Variants in IL1RAPL1 observed in about 807,000 individuals in gnomAD.
IL1RAPL1 encodes interleukin 1 receptor accessory protein like 1.
In IL1RAPL1, 3 loss-of-function variants were observed where a neutral mutation model predicts 48.4. The observed-to-expected ratio is 0.06, with a 90% CI of 0.03 to 0.16. The LOEUF is 0.16. IL1RAPL1 is among the 10% of genes least tolerant of loss of function. IL1RAPL1 has a pLI of 1.00. For missense variants in IL1RAPL1, 349 were observed against 530.6 expected (o/e 0.66, Z 3.36); for synonymous variants, 185 against 187.7 (o/e 0.99, Z 0.12).
At position 29,019,418 on chromosome X, in the gene IL1RAPL1, T is replaced by A. The variant is rs185828347; in HGVS notation, c.82+229993T>A. ...CAAATTTTATGGTGTGTGAGTTATA[T>A]CTCAAGAAAACTGTTATTAAAAAAA... On this transcript the variant is annotated intron_variant, in intron 2 of 10. Coordinates refer to ENST00000378993, the MANE Select transcript of IL1RAPL1 (RefSeq NM_014271.4). Among the ~76,000 whole-genome samples, 196 of 111,272 alleles carry A rather than the reference T, an allele frequency of 1.8e-3. 1 individual carries two copies. Among genetic ancestry groups the A allele is most frequent in the African/African-American group, 6.2e-3 (188 of 30,563 alleles).
At chrX:28,945,194 G>A (rs1319282114) in intron 2 of IL1RAPL1, among the ~76,000 whole-genome samples, 2 of 111,170 alleles carry the variant, frequency 1.8e-5, no homozygotes, top group Non-Finnish European at 3.8e-5. Flanking sequence ...ACAGTGTGGC[G>A]ATTCCTCCAG....
chrX:29,683,534 G>A (rs373572106), intron 6 of IL1RAPL1, among the ~76,000 whole-genome samples: 1 of 112,288 alleles, frequency 8.9e-6, no homozygotes, highest in African/African-American at 3.2e-5. Context: ...AACAGCCTGT[G>A]ATGTCTATTT....
chrX:29,753,274 T>A (rs1401658073), intron 6 of IL1RAPL1, among the ~76,000 whole-genome samples: 3 of 111,775 alleles, frequency 2.7e-5, no homozygotes, highest in Admixed American at 9.5e-5. Context: ...TTATTTGTCA[T>A]CATTCCTAAT....
At chrX:28,967,215 T>G (rs1409716859) in intron 2 of IL1RAPL1, among the ~76,000 whole-genome samples, 2 of 111,659 alleles carry the variant, frequency 1.8e-5, no homozygotes, top group Non-Finnish European at 3.8e-5. Flanking sequence ...GATCACTTGG[T>G]AGCTCCATCC....
chrX:29,727,903 A>T (rs1478295391), intron 6 of IL1RAPL1, among the ~76,000 whole-genome samples: 2 of 111,399 alleles, frequency 1.8e-5, no homozygotes, highest in Non-Finnish European at 3.8e-5. Context: ...CATTAAAAAA[A>T]TGAGTCCACT....
intron 2 of IL1RAPL1, among the ~76,000 whole-genome samples, chrX:29,130,931 A>G (rs138621623): frequency 0.021 from 2,363 of 112,556 alleles, 68 homozygotes; most frequent in African/African-American, 0.072. Context: ...CAAACTTGCC[A>G]CATTGGTGAT....
chrX:29,282,427 C>G (rs1052113929), intron 2 of IL1RAPL1, among the ~76,000 whole-genome samples: 1 of 112,135 alleles, frequency 8.9e-6, no homozygotes, highest in African/African-American at 3.2e-5. Flanking sequence ...TGGGAAACAT[C>G]GCCAAGCTGC....
At chrX:29,925,419 T>TTTTTTG (rs1932879603) in intron 8 of IL1RAPL1, among the ~76,000 whole-genome samples, 1 of 19,017 alleles carries the variant, frequency 5.3e-5, no homozygotes, top group African/African-American at 1.6e-4. Flanking sequence ...ACTGTTTTTT[T>TTTTTTG]TTTTTTTTTT....
At chrX:28,646,260 C>T (rs958958107) in intron 1 of IL1RAPL1, among the ~76,000 whole-genome samples, 1 of 111,787 alleles carries the variant, frequency 8.9e-6, no homozygotes, top group Non-Finnish European at 1.9e-5. Flanking sequence ...GTTCATACAC[C>T]TATGAGAATG....
At chrX:29,839,438 T>C (rs1931086711) in intron 6 of IL1RAPL1, among the ~76,000 whole-genome samples, 2 of 112,573 alleles carry the variant, frequency 1.8e-5, no homozygotes, top group African/African-American at 6.5e-5. Context: ...CTGACCTCTA[T>C]AGTTATTCAG....
At chrX:29,172,739 T>C (rs1929933764) in intron 2 of IL1RAPL1, among the ~76,000 whole-genome samples, 1 of 111,873 alleles carries the variant, frequency 8.9e-6, no homozygotes, top group African/African-American at 3.3e-5. Context: ...TGAAGTTTAA[T>C]GAGTCTTGTG....
intron 6 of IL1RAPL1, among the ~76,000 whole-genome samples, chrX:29,900,471 G>A (rs1932474547): frequency 9.0e-6 from 1 of 111,579 alleles, no homozygotes. Context: ...TTCCATTTTG[G>A]CCCAACCTAT....
At chrX:29,802,839 A>G (rs764195342) in intron 6 of IL1RAPL1, among the ~76,000 whole-genome samples, 1 of 80,254 alleles carries the variant, frequency 1.2e-5, no homozygotes, top group African/African-American at 5.4e-5. Context: ...ACATATATGT[A>G]TACATATATG....
At chrX:29,127,962 T>A (rs1272649354) in intron 2 of IL1RAPL1, among the ~76,000 whole-genome samples, 1 of 93,332 alleles carries the variant, frequency 1.1e-5, no homozygotes, top group Non-Finnish European at 2.1e-5. Context: ...AGACTCGATC[T>A]AAAAAAAAAA....
intron 8 of IL1RAPL1, among the ~76,000 whole-genome samples, chrX:29,920,333 C>G (rs766924535): frequency 5.4e-5 from 6 of 110,853 alleles, no homozygotes; most frequent in Non-Finnish European, 1.1e-4. Context: ...TAACTTTGGG[C>G]AAAACATTTA....
In IL1RAPL1 at chrX:29,885,447, G is replaced by A. The variant is rs180980216; in HGVS notation, c.779-32017G>A. Among the ~76,000 whole-genome samples the A allele has an allele frequency of 1.5e-3, 168 of 111,392 alleles. 2 individuals are homozygous for A. Among genetic ancestry groups the A allele is most frequent in the Non-Finnish European group, 2.8e-4 (15 of 53,129 alleles). On this transcript the variant is annotated intron_variant, in intron 6 of 10. Transcript: ENST00000378993. ...GCGGAAAGTTTTGCTTTGTTCTTTC[G>A]TACATCCCAAGCACTGAGAGTAGTG...
At position 28,712,779 on chromosome X, in the gene IL1RAPL1, T is replaced by G. The variant is rs148003897; in HGVS notation, c.-24-76541T>G. On this transcript the variant is annotated intron_variant, in intron 1 of 10. Transcript: ENST00000378993. ...CCAAGTGATAATTACCAGAATCCTA[T>G]TCATACTATTAAATAGAATTAGCTT... Among the ~76,000 whole-genome samples the G allele has an allele frequency of 6.5e-3, 724 of 111,324 alleles. 2 individuals are homozygous for G. The highest frequency in any genetic ancestry group is 0.023 in the African/African-American group (701 of 30,637).
intron 3 of IL1RAPL1, among the ~76,000 whole-genome samples, chrX:29,389,681 A>G (rs1247651059): frequency 8.9e-6 from 1 of 112,515 alleles, no homozygotes; most frequent in Non-Finnish European, 1.9e-5. Flanking sequence ...TATATTGATC[A>G]CTTTCTACTA....
At chrX:28,917,070 T>TC (rs1569199438) in intron 2 of IL1RAPL1, among the ~76,000 whole-genome samples, 1 of 111,481 alleles carries the variant, frequency 9.0e-6, no homozygotes, top group East Asian at 2.8e-4. Context: ...CTGATAAATA[T>TC]CATTAATTTT....
Sources: allele counts gnomAD v4.1 joint callset (sites outside exome capture counted in the v4.1 genomes callset), GRCh38; gene constraint gnomAD v4.1.1; transcripts MANE v1.5; gene names NCBI Gene and HGNC (gene_info 2026-07-23, HGNC 2026-07-21).